Variants in PCDHA6 observed in about 807,000 individuals in gnomAD.
PCDHA6 encodes the protein protocadherin alpha 6, also known as protocadherin alpha-6.
PCDHA6 carries 55 observed loss-of-function variants against 60.3 expected under a neutral mutation model. The observed-to-expected ratio is 0.91, with a 90% CI of 0.73 to 1.14. The LOEUF is 1.14. Among genes scored for constraint, PCDHA6 ranks in the 50% most tolerant of loss-of-function variants. The pLI, the probability that PCDHA6 is intolerant of heterozygous loss-of-function variation, is 0.00. For synonymous variants in PCDHA6, 652 were observed against 557.9 expected, an observed-to-expected ratio of 1.17 and a Z score of -2.38; for missense variants, 1,327 against 1,256.5, an observed-to-expected ratio of 1.06 and a Z score of -0.85.
chr5:140,857,015 G>A, intron 1 of PCDHA6: 2 of 1,596,400 alleles, frequency 1.3e-6, no homozygotes, highest in Non-Finnish European at 1.7e-6. Context: ...AGATGTTACA[G>A]ATAAGGGAAA....
chr5:140,919,558 TAA>T (rs879969388), intron 1 of PCDHA6, among the ~76,000 whole-genome samples: 1 of 152,210 alleles, frequency 6.6e-6, no homozygotes, highest in Non-Finnish European at 1.5e-5. Flanking sequence ...TGATTTATAT[TAA>T]GTGAATATTT....
At chr5:141,003,307 C>T (rs2153977029) in intron 3 of PCDHA6, among the ~76,000 whole-genome samples, 1 of 152,252 alleles carries the variant, frequency 6.6e-6, no homozygotes. Flanking sequence ...ATGAAGTGGC[C>T]AGCTACTTCC....
At chr5:140,927,926 T>C (rs782407263) in intron 1 of PCDHA6, 2 of 1,614,212 alleles carry the variant, frequency 1.2e-6, no homozygotes, top group East Asian at 2.2e-5. Context: ...TTCCTGACTC[T>C]TTCGAACCCA....
intron 3 of PCDHA6, among the ~76,000 whole-genome samples, chr5:140,992,185 C>G (rs1554252730): frequency 1.3e-5 from 2 of 152,102 alleles, no homozygotes; most frequent in African/African-American, 4.8e-5. Context: ...ATCATGCTTT[C>G]AGTGATCTAT....
At chr5:140,852,888 T>A in intron 1 of PCDHA6, 1 of 920,092 alleles carries the variant, frequency 1.1e-6, no homozygotes. Context: ...AAAACGTATT[T>A]TTTTTTTTGA....
At chr5:140,845,952 T>C (rs1262858595) in intron 1 of PCDHA6, among the ~76,000 whole-genome samples, 2 of 149,750 alleles carry the variant, frequency 1.3e-5, no homozygotes, top group Non-Finnish European at 3.0e-5. Context: ...AGTCATTTTT[T>C]AGATTAACCT....
intron 1 of PCDHA6, chr5:140,835,180 C>A: frequency 6.6e-7 from 1 of 1,515,706 alleles, no homozygotes; most frequent in Non-Finnish European, 8.9e-7. Context: ...CACCCCAATG[C>A]CTCAGATTTA....
chr5:141,006,388 A>AT (rs2098271631), intron 3 of PCDHA6, among the ~76,000 whole-genome samples: 1 of 151,322 alleles, frequency 6.6e-6, no homozygotes, highest in African/African-American at 2.4e-5. Flanking sequence ...AGTTTTTTCT[A>AT]TTTTTTAGTA....
In PCDHA6 at chr5:140,845,842, G is replaced by A. The variant is rs2150381678; in HGVS notation, c.2394+15357G>A. On this transcript the variant is annotated intron_variant, in intron 1 of 3. Coordinates refer to ENST00000529310, the MANE Select transcript of PCDHA6 (RefSeq NM_018909.4). ...AATTTAGTTATTACCATTCTTAAGA[G>A]AAAAGAAGTTAGTGATTGCAGAAAG... Among the ~76,000 whole-genome samples the A allele has an allele frequency of 1.1e-4, 17 of 149,848 alleles. 1 individual carries two copies. Among genetic ancestry groups the A allele is most frequent in the African/African-American group, 4.1e-4 (17 of 40,984 alleles).
chr5:140,850,456 A>T lies in PCDHA6; in HGVS notation c.2394+19971A>T, dbSNP rs2150485002. 3 of 1,597,744 alleles carry T rather than the reference A, an allele frequency of 1.9e-6. No homozygotes were observed. In the Admixed American group the frequency reaches 5.1e-5, roughly 27 times the overall value. ...CGCCTACTGGTGCTGGTGAAAGACC[A>T]CGGGGAGCCAGCGCTGACGGCCACG... On this transcript the variant is annotated intron_variant, in intron 1 of 3. Coordinates refer to ENST00000529310, the MANE Select transcript of PCDHA6 (RefSeq NM_018909.4).
chr5:140,982,741 T>C (rs2097000256), intron 3 of PCDHA6, among the ~76,000 whole-genome samples, 178 bp downstream of exon 3: 1 of 152,164 alleles, frequency 6.6e-6, no homozygotes, highest in Admixed American at 6.6e-5. Flanking sequence ...TACCTAATGC[T>C]CTTCAGGAGT....
At position 140,928,683 on chromosome 5, in the gene PCDHA6, C is replaced by T. The variant is rs868920923; in HGVS notation, c.2395-50266C>T. ...ACAGTGGTTCTAATGCCTGGCTTTC[C>T]TACCACATCTCCCGGGCGTCTGACT... On this transcript the variant is annotated intron_variant, in intron 1 of 3. Transcript: ENST00000529310. 3.7e-6 allele frequency: 6 copies of T among 1,614,172 alleles called. No individual in the cohort carries two copies. In the Middle Eastern group the frequency reaches 6.6e-4, roughly 178 times the overall value.
intron 1 of PCDHA6, chr5:140,852,963 C>A: frequency 2.4e-6 from 1 of 424,740 alleles, no homozygotes; most frequent in Non-Finnish European, 3.3e-6. Context: ...ACTCCAAGCT[C>A]CCCCTCCCGT....
intron 1 of PCDHA6, chr5:140,867,406 C>G (rs1394985393): frequency 6.6e-6 from 1 of 151,958 alleles, no homozygotes; most frequent in East Asian, 1.9e-4. Context: ...GATATGTCTC[C>G]TTTAATTTTT....
intron 1 of PCDHA6, chr5:140,882,155 T>C (rs1317545188): frequency 1.3e-6 from 2 of 1,504,050 alleles, no homozygotes; most frequent in Admixed American, 2.3e-5. Flanking sequence ...GAAAGCGGAA[T>C]ACCTCTTGCG....
chr5:140,871,698 C>A, intron 1 of PCDHA6: 2 of 905,580 alleles, frequency 2.2e-6, no homozygotes, highest in Non-Finnish European at 3.2e-6. Context: ...GCTTCTTTAA[C>A]CAATAAATGT....
At chr5:140,867,702 A>G (rs560641093) in intron 1 of PCDHA6, 1 of 152,136 alleles carries the variant, frequency 6.6e-6, no homozygotes, top group Admixed American at 6.5e-5. Flanking sequence ...TTCCTCCTAA[A>G]TCCTAAGGGT....
chr5:140,839,004 T>C (rs1554137267), intron 1 of PCDHA6, among the ~76,000 whole-genome samples: 1 of 152,116 alleles, frequency 6.6e-6, no homozygotes, highest in East Asian at 1.9e-4. Context: ...TAATATACTT[T>C]AGTAAATTAT....
chr5:140,925,124 A>AGG (rs1554202565), intron 1 of PCDHA6, among the ~76,000 whole-genome samples: 1 of 151,856 alleles, frequency 6.6e-6, no homozygotes, highest in African/African-American at 2.4e-5. Flanking sequence ...GAAGGAAGGA[A>AGG]AAAAAATTTC....
Sources: allele counts gnomAD v4.1 joint callset (sites outside exome capture counted in the v4.1 genomes callset), GRCh38; gene constraint gnomAD v4.1.1; transcripts MANE v1.5; gene names NCBI Gene and HGNC (gene_info 2026-07-23, HGNC 2026-07-21).